VPS13A: variants seen among roughly 807,000 people sequenced by gnomAD.
The protein encoded by VPS13A is vacuolar protein sorting 13 homolog A, also known as intermembrane lipid transfer protein VPS13A.
Under a neutral mutation model 390.9 loss-of-function variants are expected in VPS13A, and 264 were observed. That is an observed-to-expected ratio of 0.68 (90% CI 0.61 to 0.75). The LOEUF is 0.75. Among genes scored for constraint, VPS13A ranks in the 30% least tolerant of loss-of-function variants. The pLI is 0.00. For synonymous variants in VPS13A, 1,231 were observed against 1,227.1 expected (o/e 1.00, Z -0.07); for missense variants, 3,409 against 3,733.9 (o/e 0.91, Z 2.27).
intron 1 of VPS13A, among the ~76,000 whole-genome samples, chr9:77,191,232 A>G (rs991047712): frequency 3.4e-5 from 5 of 148,970 alleles, no homozygotes; most frequent in Admixed American, 6.6e-5. Context: ...AGATTCTGGT[A>G]TATTGTATCT....
chr9:77,321,833 C>T lies in VPS13A; in HGVS notation c.5830+87C>T, dbSNP rs978968026. The T allele has an allele frequency of 4.9e-5, 74 of 1,507,960 alleles. No homozygotes were observed. The African/African-American group carries it at 9.3e-4, about 19-fold the overall frequency. 93.4% of individuals were successfully genotyped at this position (1,507,960 alleles called of 1,614,324 possible). On this transcript the variant is annotated intron_variant, in intron 44 of 71. Coordinates refer to ENST00000360280, the MANE Select transcript of VPS13A (RefSeq NM_033305.3). ...ATTTTACTCTTTTGTAGAATCTTAG[C>T]AAGGTTTTTTTTGTTTTTGTTTTTG...
chr9:77,192,005 T>G (rs911907612), intron 1 of VPS13A, among the ~76,000 whole-genome samples: 2 of 152,176 alleles, frequency 1.3e-5, no homozygotes, highest in Non-Finnish European at 2.9e-5. Context: ...TCTGAGAGCT[T>G]CTTTTTTGAA....
chr9:77,194,049 C>T (rs992376650), intron 1 of VPS13A, among the ~76,000 whole-genome samples: 5 of 152,116 alleles, frequency 3.3e-5, no homozygotes, highest in Non-Finnish European at 7.3e-5. Context: ...CAACAACACT[C>T]TGATGGTGGG....
intron 35 of VPS13A, among the ~76,000 whole-genome samples, chr9:77,308,844 C>A (rs1828911537): frequency 6.6e-6 from 1 of 152,182 alleles, no homozygotes; most frequent in Admixed American, 6.5e-5. Flanking sequence ...TGAGGTGTTA[C>A]ACAGCATTTT....
intron 71 of VPS13A, among the ~76,000 whole-genome samples, chr9:77,411,679 A>AAAAAAAAAAAAAAAAAAC (rs1834937041): frequency 6.8e-6 from 1 of 147,074 alleles, no homozygotes; most frequent in Non-Finnish European, 1.5e-5. Context: ...AAAAAAAAAA[A>AAAAAAAAAAAAAAAAAAC]AAAAAAGGAA....
intron 23 of VPS13A, 127 bp downstream of exon 23, chr9:77,260,351 CTTTTTTTTTTTT>C (rs750675055): frequency 1.6e-5 from 6 of 375,842 alleles, no homozygotes; most frequent in African/African-American, 5.7e-5. Flanking sequence ...AAGAAAATTA[CTTTTTTTTTTTT>C]TTTTTTTTTT....
intron 45 of VPS13A, among the ~76,000 whole-genome samples, chr9:77,328,410 A>T (rs141258811): frequency 0.011 from 1,662 of 152,360 alleles, 11 homozygotes; most frequent in Admixed American, 0.018. Flanking sequence ...ACATTGGCTA[A>T]CTTCAGGTCA....
Position 77,344,296 on chromosome 9 carries a change from C to CT in VPS13A, c.7155+21dup, listed in dbSNP as rs771243103. 33 of 1,609,224 alleles carry CT rather than the reference C, an allele frequency of 2.1e-5. No homozygotes were observed. In the East Asian group the frequency reaches 4.7e-4, roughly 23 times the overall value. On this transcript the variant is annotated intron_variant, in intron 51 of 71. Transcript: ENST00000360280. ...TAGATAACGAGGTAAGTTTTTTTTT[C>CT]TTTTTTGCATGTGTCATTAGGAAAG...
chr9:77,258,853 A>G (rs1035011311), intron 22 of VPS13A, among the ~76,000 whole-genome samples: 1 of 152,146 alleles, frequency 6.6e-6, no homozygotes, highest in African/African-American at 2.4e-5. Context: ...CTTGGTAAGT[A>G]TGCTATAATC....
chr9:77,340,652 C>G (rs1830761187), intron 50 of VPS13A, 102 bp downstream of exon 50: 1 of 1,441,378 alleles, frequency 6.9e-7, no homozygotes, highest in Admixed American at 1.8e-5. Flanking sequence ...TCCCCTTACT[C>G]CAATTTTGTT....
intron 70 of VPS13A, among the ~76,000 whole-genome samples, chr9:77,406,255 C>T (rs1834602038): frequency 6.6e-6 from 1 of 152,192 alleles, no homozygotes; most frequent in African/African-American, 2.4e-5. Flanking sequence ...CACCTTCCCA[C>T]ATATGAAATA....
intron 23 of VPS13A, among the ~76,000 whole-genome samples, chr9:77,269,796 T>C (rs1826246582): frequency 6.6e-6 from 1 of 152,234 alleles, no homozygotes; most frequent in African/African-American, 2.4e-5. Context: ...TATTGAACCC[T>C]AATTCTGCTA....
chr9:77,276,980 G>C (rs139324736), intron 26 of VPS13A, among the ~76,000 whole-genome samples: 3 of 152,150 alleles, frequency 2.0e-5, no homozygotes, highest in African/African-American at 7.2e-5. Context: ...GATTCCGGGG[G>C]ATTAGAGCGT....
At chr9:77,377,313 G>T (rs569771834) in intron 67 of VPS13A, among the ~76,000 whole-genome samples, 2 of 138,476 alleles carry the variant, frequency 1.4e-5, no homozygotes, top group South Asian at 5.0e-4. Flanking sequence ...TCCGCTTCCC[G>T]GGTTCACGCC....
Position 77,317,496 on chromosome 9 carries a change from T to C in VPS13A, c.4864-110T>C. 4 of 766,744 alleles carry C rather than the reference T, an allele frequency of 5.2e-6. No homozygotes were observed. In the South Asian group the frequency reaches 7.5e-5, roughly 14 times the overall value. 47.5% of individuals were successfully genotyped at this position (766,744 alleles called of 1,614,324 possible). A position where few individuals can be genotyped will look rare whatever the true frequency, so the allele number is the denominator to read the frequency against. Reference sequence around the variant, plus strand: ...TATTATTAAGTCACTTTTTAAATAGTTGTTTTTATTAACTTGTTTATTTGA... The same window carrying C: ...TATTATTAAGTCACTTTTTAAATAGCTGTTTTTATTAACTTGTTTATTTGA... On this transcript the variant is annotated intron_variant, in intron 39 of 71. Coordinates refer to ENST00000360280, the MANE Select transcript of VPS13A (RefSeq NM_033305.3).
rs1473889763 is a variant in VPS13A at position 77,317,708 on chromosome 9, AAT to A, written c.4956+14_4956+15del. 6.4e-7 allele frequency: 1 copy of A among 1,568,076 alleles called. No homozygotes were observed. The highest frequency in any genetic ancestry group is 8.7e-7 in the Non-Finnish European group (1 of 1,151,176). On this transcript the variant is annotated intron_variant, in intron 40 of 71. Transcript: ENST00000360280. ...ATCCCTGACACTAAAGGTAAATTAA[AAT>A]ATAATCATTTGAATATTTAGTGCAC...
At chr9:77,320,474 A>C (rs1829678608) in intron 42 of VPS13A, among the ~76,000 whole-genome samples, 2 of 152,176 alleles carry the variant, frequency 1.3e-5, no homozygotes, top group Admixed American at 1.3e-4. Flanking sequence ...AAGAGACTGC[A>C]GAATTACTCA....
chr9:77,395,558 G>A (rs1291151972), intron 68 of VPS13A, among the ~76,000 whole-genome samples: 3 of 152,160 alleles, frequency 2.0e-5, no homozygotes, highest in Non-Finnish European at 2.9e-5. Context: ...GGTGCCTGTA[G>A]ACTTGCTTGA....
At chr9:77,397,179 C>CG (rs1482531061) in intron 68 of VPS13A, among the ~76,000 whole-genome samples, 1 of 151,988 alleles carries the variant, frequency 6.6e-6, no homozygotes, top group Non-Finnish European at 1.5e-5. Flanking sequence ...TTAGTGGAGA[C>CG]GGGGTCTCAC....
Sources: allele counts gnomAD v4.1 joint callset (sites outside exome capture counted in the v4.1 genomes callset), GRCh38; gene constraint gnomAD v4.1.1; transcripts MANE v1.5; gene names NCBI Gene and HGNC (gene_info 2026-07-23, HGNC 2026-07-21).